The following ZBTB44 variants were observed in gnomAD, a reference collection of about 807,000 sequenced individuals.
ZBTB44 encodes the protein zinc finger and BTB domain containing 44.
Under a neutral mutation model 54.0 loss-of-function variants are expected in ZBTB44, and 15 were observed. The ratio of observed to expected loss-of-function variants is 0.28; its 90% CI spans 0.19 to 0.43. The LOEUF is 0.43. Ranked by LOEUF, ZBTB44 falls within the 20% of genes least tolerant of loss-of-function variation. The pLI is 1.00. For missense variants in ZBTB44, 487 were observed against 707.1 expected, an observed-to-expected ratio of 0.69 and a Z score of 3.53; for synonymous variants, 230 against 250.1, an observed-to-expected ratio of 0.92 and a Z score of 0.76.
intron 1 of ZBTB44, among the ~76,000 whole-genome samples, chr11:130,276,255 A>AAAAGAAAAAATT (rs1940085481): frequency 6.8e-6 from 1 of 147,274 alleles, no homozygotes; most frequent in Non-Finnish European, 1.5e-5. Flanking sequence ...AAGAAAAAAG[A>AAAAGAAAAAATT]AATCAGAGGT....
chr11:130,237,098 A>C lies in ZBTB44; in HGVS notation c.1268-5T>G. On this transcript the variant is annotated splice_polypyrimidine_tract_variant and splice_region_variant and intron_variant, in intron 4 of 7. Transcript: ENST00000357899. Reference sequence around the variant, plus strand: ...CACACTGAAATGGTTTAATTCCTGTAAATAAAGCAAAACAAAATATCTAAA... The same window carrying C: ...CACACTGAAATGGTTTAATTCCTGTCAATAAAGCAAAACAAAATATCTAAA... 1 of 1,486,246 alleles carries C rather than the reference A, an allele frequency of 6.7e-7. No homozygotes were observed. Among genetic ancestry groups the C allele is most frequent in the Non-Finnish European group, 9.0e-7 (1 of 1,115,232 alleles). The allele number at this position is 1,486,246 out of a possible 1,614,324, so 92.1% of individuals were successfully genotyped here.
At chr11:130,270,269 G>A (rs1385286951) in intron 1 of ZBTB44, among the ~76,000 whole-genome samples, 3 of 152,126 alleles carry the variant, frequency 2.0e-5, no homozygotes, top group East Asian at 3.8e-4. Context: ...TCACTCACTC[G>A]CAGCTTATAT....
Position 130,299,955 on chromosome 11 carries a change from C to T in ZBTB44, c.-57+14420G>A, listed in dbSNP as rs545473154. 6.6e-5 allele frequency among the ~76,000 whole-genome samples: 10 copies of T among 152,246 alleles called. No homozygotes were observed. In the East Asian group the frequency reaches 1.7e-3, roughly 26 times the overall value. On this transcript the variant is annotated intron_variant, in intron 1 of 7. Coordinates refer to ENST00000357899, the MANE Select transcript of ZBTB44 (RefSeq NM_001301098.2). ...GAATTAATGAGATGTGGCATAAATA[C>T]ACAATGGAATATTATTCAGCCTTAA... is the stretch of plus-strand genomic sequence containing the variant.
chr11:130,277,447 C>T (rs1247575909), intron 1 of ZBTB44, among the ~76,000 whole-genome samples: 1 of 152,152 alleles, frequency 6.6e-6, no homozygotes, highest in African/African-American at 2.4e-5. Context: ...TGATTACAAA[C>T]ACAATATGTG....
At chr11:130,310,825 C>T (rs1353565286) in intron 1 of ZBTB44, among the ~76,000 whole-genome samples, 1 of 152,148 alleles carries the variant, frequency 6.6e-6, no homozygotes, top group African/African-American at 2.4e-5. Flanking sequence ...TCACTGCAAC[C>T]TCCCCGGTTC....
chr11:130,261,898 C>T lies in ZBTB44; in HGVS notation c.-25G>A, dbSNP rs751120066. 3 of 1,571,846 alleles carry T rather than the reference C, an allele frequency of 1.9e-6. No homozygotes were observed. The highest frequency in any genetic ancestry group is 1.7e-4 in the Middle Eastern group (1 of 5,848). ...TCTTTTACTTCCTCTTCTACAGATG[C>T]TCTTCAAGGATGCAAATAAATCAGA... On this transcript the variant is annotated 5_prime_UTR_variant, in exon 2 of 8. Transcript: ENST00000357899. The surrounding 1 kb of genome is among the most constrained non-coding windows in gnomAD (Gnocchi z 4.8).
intron 1 of ZBTB44, among the ~76,000 whole-genome samples, chr11:130,265,987 G>A (rs2134157237): frequency 6.6e-6 from 1 of 152,336 alleles, no homozygotes; most frequent in South Asian, 2.1e-4. Context: ...TAAACAGCAG[G>A]TTTTCAATAC....
intron 2 of ZBTB44, among the ~76,000 whole-genome samples, chr11:130,248,102 C>T (rs1937676035): frequency 6.6e-6 from 1 of 152,088 alleles, no homozygotes; most frequent in African/African-American, 2.4e-5. Context: ...TATTTTCTAT[C>T]CCTAGAAAGA....
At chr11:130,268,379 C>T (rs751902716) in intron 1 of ZBTB44, among the ~76,000 whole-genome samples, 3 of 152,154 alleles carry the variant, frequency 2.0e-5, no homozygotes, top group Non-Finnish European at 2.9e-5. Context: ...CAAGGCAAGA[C>T]CTTCCACCAA....
chr11:130,251,089 G>A (rs73587076), intron 2 of ZBTB44, among the ~76,000 whole-genome samples: 6,431 of 152,166 alleles, frequency 0.042, 403 homozygotes, highest in African/African-American at 0.14. Context: ...ACCCGTTTAC[G>A]GAAGAACATA....
intron 1 of ZBTB44, among the ~76,000 whole-genome samples, chr11:130,271,153 G>C (rs1300707356): frequency 6.6e-6 from 1 of 152,092 alleles, no homozygotes; most frequent in East Asian, 1.9e-4. Flanking sequence ...TTTCTGTCTG[G>C]TTTTGCTATA....
intron 1 of ZBTB44, chr11:130,295,957 A>T (rs759517883): frequency 2.6e-6 from 4 of 1,533,552 alleles, no homozygotes; most frequent in Non-Finnish European, 2.7e-6. Context: ...TGGGATCAAC[A>T]TCACTGTGGC....
rs115463037 is a variant in ZBTB44 at position 130,274,210 on chromosome 11, T to C, written c.-56-12281A>G. Among the ~76,000 whole-genome samples, 1,319 of 152,352 alleles carry C rather than the reference T, an allele frequency of 8.7e-3. 8 individuals carry two copies. The highest frequency in any genetic ancestry group is 0.021 in the African/African-American group (894 of 41,582). On this transcript the variant is annotated intron_variant, in intron 1 of 7. Coordinates refer to ENST00000357899, the MANE Select transcript of ZBTB44 (RefSeq NM_001301098.2). ...ATCCAAAATGCTCTAATGAGGATTT[T>C]GAGCGTCATGTTGGTGCTCAAAACA...
intron 2 of ZBTB44, among the ~76,000 whole-genome samples, chr11:130,259,458 C>T (rs1393845444): frequency 6.6e-6 from 1 of 152,138 alleles, no homozygotes; most frequent in Non-Finnish European, 1.5e-5. Flanking sequence ...ACTGGGTATA[C>T]ACCCAAAGGA....
intron 2 of ZBTB44, among the ~76,000 whole-genome samples, chr11:130,241,457 T>C (rs1954358884): frequency 6.6e-6 from 1 of 152,228 alleles, no homozygotes; most frequent in Admixed American, 6.5e-5. Flanking sequence ...CAATATTTCA[T>C]GGTGGTTTGA....
intron 2 of ZBTB44, 103 bp from the exon 3 acceptor site, chr11:130,239,999 A>C: frequency 1.4e-6 from 1 of 709,262 alleles, no homozygotes; most frequent in South Asian, 1.7e-5. Context: ...TATATTATCT[A>C]GTGTTCATAT....
intron 1 of ZBTB44, among the ~76,000 whole-genome samples, chr11:130,313,922 GTATGTGTGTGTGTGTT>G (rs1485376576): frequency 7.7e-6 from 1 of 129,326 alleles, no homozygotes; most frequent in African/African-American, 2.9e-5. Flanking sequence ...GTGTGTGTGT[GTATGTGTGTGTGTGTT>G]TGTGTGTGTG....
chr11:130,278,751 C>G (rs1466953823), intron 1 of ZBTB44, among the ~76,000 whole-genome samples: 1 of 152,062 alleles, frequency 6.6e-6, no homozygotes, highest in Non-Finnish European at 1.5e-5. Context: ...TTTTTCAATT[C>G]CAGAATTTCT....
At chr11:130,265,822 A>G (rs915818780) in intron 1 of ZBTB44, among the ~76,000 whole-genome samples, 11 of 152,350 alleles carry the variant, frequency 7.2e-5, no homozygotes, top group African/African-American at 1.9e-4. Flanking sequence ...TGCAGAAGAA[A>G]AGTTGGAAGC....
Sources: gnomAD v4.1 joint callset for allele counts (sites outside exome capture counted in the v4.1 genomes callset) on GRCh38, gnomAD v4.1.1 for gene constraint, Gnocchi (gnomAD v3.1) non-coding constraint, MANE v1.5 for transcripts, NCBI Gene and HGNC (gene_info 2026-07-23, HGNC 2026-07-21) for gene names.